Variants in HSPG2 observed in about 807,000 individuals in gnomAD.
HSPG2 encodes heparan sulfate proteoglycan 2.
HSPG2 carries 278 observed loss-of-function variants against 526.6 expected under a neutral mutation model. The observed-to-expected ratio is 0.53, with a 90% CI of 0.48 to 0.58. HSPG2 has a LOEUF of 0.58. Among genes scored for constraint, HSPG2 ranks in the 20% least tolerant of loss-of-function variants. HSPG2 has a pLI of 0.00. For missense variants in HSPG2, 5,354 were observed against 6,099.5 expected (o/e 0.88, Z 4.07); for synonymous variants, 2,465 against 2,555.4 (o/e 0.96, Z 1.07).
At chr1:21,918,276 C>T (rs1336603119) in intron 1 of HSPG2, among the ~76,000 whole-genome samples, 1 of 152,054 alleles carries the variant, frequency 6.6e-6, no homozygotes, top group African/African-American at 2.4e-5. Context: ...ACCAGCCTGG[C>T]CAACATAGTA....
rs1640763945 is a variant in HSPG2 at position 21,872,882 on chromosome 1, C to T, written c.3888+115G>A. 5 of 1,534,694 alleles carry T rather than the reference C, an allele frequency of 3.3e-6. No homozygotes were observed. The highest frequency in any genetic ancestry group is 4.5e-6 in the Non-Finnish European group (5 of 1,110,470). On this transcript the variant is annotated intron_variant, in intron 31 of 96. Coordinates refer to ENST00000374695, the MANE Select transcript of HSPG2 (RefSeq NM_005529.7). The surrounding 1 kb of genome is among the most constrained non-coding windows in gnomAD (Gnocchi z 5.5). ...CCCGGGCAGCCCCTGCCCTGTCCCCCATGCCCTGCCCCCCATGCCCAGGTC... is the reference window on the plus strand; with the variant it reads ...CCCGGGCAGCCCCTGCCCTGTCCCCTATGCCCTGCCCCCCATGCCCAGGTC...
intron 3 of HSPG2, among the ~76,000 whole-genome samples, chr1:21,894,372 C>T (rs1289966963): frequency 6.6e-6 from 1 of 152,036 alleles, no homozygotes; most frequent in African/African-American, 2.4e-5. Flanking sequence ...TTGGTCAAGT[C>T]TGAGTGGGCA....
At chr1:21,849,130 G>C in intron 57 of HSPG2, 99 bp from the exon 58 acceptor site, 11 of 1,397,184 alleles carry the variant, frequency 7.9e-6, no homozygotes, top group Non-Finnish European at 1.1e-5. Flanking sequence ...AGCCCAGCCA[G>C]CTGGAACTCG....
intron 85 of HSPG2, 177 bp downstream of exon 85, chr1:21,830,805 T>C (rs1270741221): frequency 1.6e-5 from 9 of 577,614 alleles, no homozygotes; most frequent in Non-Finnish European, 2.8e-5. Context: ...AGTGATGGGG[T>C]GAGGGCCTTC....
intron 1 of HSPG2, among the ~76,000 whole-genome samples, chr1:21,911,469 G>A (rs1469733690): frequency 2.7e-5 from 4 of 149,808 alleles, no homozygotes; most frequent in African/African-American, 7.3e-5. Flanking sequence ...GGGAGTGGGG[G>A]TGTGGAGGGG....
At position 21,865,386 on chromosome 1, in the gene HSPG2, T is replaced by C. The variant is rs182257711; in HGVS notation, c.4315-21A>G. 348 of 1,613,308 alleles carry C rather than the reference T, an allele frequency of 2.2e-4. No individual in the cohort carries two copies. Among genetic ancestry groups the C allele is most frequent in the African/African-American group, 8.5e-4 (64 of 74,962 alleles). ...TTGCCCTGGAAAGACACCAGCAGGA[T>C]TGGAAGGGGAGCCGAGGGGTCCCTG... On this transcript the variant is annotated intron_variant, in intron 34 of 96. Transcript: ENST00000374695. The surrounding 1 kb of genome is among the most constrained non-coding windows in gnomAD (Gnocchi z 5.4).
rs1439932379 is a variant in HSPG2 at position 21,822,491 on chromosome 1, CGTCCGTCCGTT to C, written c.*814_*824del. The C allele has an allele frequency of 8.1e-6, 3 of 372,010 alleles. No homozygotes were observed. Among genetic ancestry groups the C allele is most frequent in the African/African-American group, 6.3e-5 (3 of 47,608 alleles). 23.0% of individuals were successfully genotyped at this position (372,010 alleles called of 1,614,324 possible). On this transcript the variant is annotated 3_prime_UTR_variant, in exon 97 of 97. Transcript: ENST00000374695. Reference sequence around the variant, plus strand: ...GCTCTTCCTGAGCACCAGCGGCATCCGTCCGTCCGTTGTCTGTTGGAGGAGTCCCTGGGCCT... The same window carrying C: ...GCTCTTCCTGAGCACCAGCGGCATCCGTCTGTTGGAGGAGTCCCTGGGCCT...
At chr1:21,874,061 TC>T in intron 28 of HSPG2, 50 bp from the exon 29 acceptor site, 2 of 1,462,378 alleles carry the variant, frequency 1.4e-6, no homozygotes, top group Non-Finnish European at 1.9e-6. Context: ...CTCCTTCCTC[TC>T]CCCCGATCCT....
At chr1:21,878,080 AC>A (rs1375307841) in intron 21 of HSPG2, 105 bp downstream of exon 21, 5 of 1,048,310 alleles carry the variant, frequency 4.8e-6, no homozygotes, top group Non-Finnish European at 7.1e-6. Flanking sequence ...CTGGGTTACC[AC>A]CCACTGGCCA....
intron 1 of HSPG2, among the ~76,000 whole-genome samples, chr1:21,913,926 T>C (rs1643797906): frequency 6.6e-6 from 1 of 152,184 alleles, no homozygotes; most frequent in Non-Finnish European, 1.5e-5. Flanking sequence ...GGCACTGCAG[T>C]GCCTTCCGCC....
chr1:21,857,254 T>C, intron 43 of HSPG2, 31 bp downstream of exon 43: 1 of 1,613,758 alleles, frequency 6.2e-7, no homozygotes, highest in Non-Finnish European at 8.5e-7. Context: ...GAAGACAGAC[T>C]TCCTCCATCC....
At chr1:21,874,831 G>A (rs1471945945) in intron 26 of HSPG2, 60 bp downstream of exon 26, 1 of 1,518,970 alleles carries the variant, frequency 6.6e-7, no homozygotes. Context: ...GGCTCATGGA[G>A]AAGGAGCGGG....
chr1:21,828,690 G>T lies in HSPG2; in HGVS notation c.12237+145C>A. On this transcript the variant is annotated intron_variant, in intron 88 of 96. Coordinates refer to ENST00000374695, the MANE Select transcript of HSPG2 (RefSeq NM_005529.7). The surrounding 1 kb of genome is among the most constrained non-coding windows in gnomAD (Gnocchi z 6.0). Reference sequence around the variant, plus strand: ...TGCCCATTTTACAGAGGAGGAAACTGAGGCTCAGAGGTACAGTGTCCTGGC... The same window carrying T: ...TGCCCATTTTACAGAGGAGGAAACTTAGGCTCAGAGGTACAGTGTCCTGGC... 1 of 1,217,546 alleles carries T rather than the reference G, an allele frequency of 8.2e-7. No homozygotes were observed. The highest frequency in any genetic ancestry group is 1.2e-6 in the Non-Finnish European group (1 of 859,078). 75.4% of individuals were successfully genotyped at this position (1,217,546 alleles called of 1,614,324 possible). A position where few individuals can be genotyped will look rare whatever the true frequency, so the allele number is the denominator to read the frequency against.
intron 1 of HSPG2, among the ~76,000 whole-genome samples, chr1:21,933,789 A>C: frequency 6.6e-6 from 1 of 151,892 alleles, no homozygotes; most frequent in African/African-American, 2.4e-5. Context: ...CACACTCAAA[A>C]CCCCATCCTG....
chr1:21,854,447 G>T lies in HSPG2; in HGVS notation c.6289-104C>A, dbSNP rs574808698. The T allele has an allele frequency of 4.7e-6, 7 of 1,486,288 alleles. No individual in the cohort carries two copies. The Admixed American group carries it at 1.0e-4, about 21-fold the overall frequency. 92.1% of individuals were successfully genotyped at this position (1,486,288 alleles called of 1,614,324 possible). On this transcript the variant is annotated intron_variant, in intron 49 of 96. Coordinates refer to ENST00000374695, the MANE Select transcript of HSPG2 (RefSeq NM_005529.7). Reference sequence around the variant, plus strand: ...TTCAAACTCTCACTGGCTCTGCTCCGAGCCATCCCATGCTAGAAACTGGGA... The same window carrying T: ...TTCAAACTCTCACTGGCTCTGCTCCTAGCCATCCCATGCTAGAAACTGGGA...
rs1642310221 is a variant in HSPG2, at chr1:21,890,872, A to G, written c.245-178T>C. On this transcript the variant is annotated intron_variant, in intron 3 of 96. Coordinates refer to ENST00000374695, the MANE Select transcript of HSPG2 (RefSeq NM_005529.7). This position sits in a 1 kb window ranked among gnomAD's most constrained non-coding sequence, Gnocchi z 4.1. ...CTGTAGGTATACATGCTCAGGGGTCAATGCCAAGGCCCCAACTTGACTGAG... is the reference window on the plus strand; with the variant it reads ...CTGTAGGTATACATGCTCAGGGGTCGATGCCAAGGCCCCAACTTGACTGAG... Among the ~76,000 whole-genome samples the G allele has an allele frequency of 6.6e-6, 1 of 152,222 alleles. No homozygotes were observed. Among genetic ancestry groups the G allele is most frequent in the African/African-American group, 2.4e-5 (1 of 41,450 alleles).
chr1:21,893,068 T>G lies in HSPG2; in HGVS notation c.245-2374A>C, dbSNP rs1470154564. The stretch of plus-strand genomic sequence containing the variant: ...AGCTGCCCTGCACTCAGGGTAGAAG[T>G]GGGGGCTGCACACCTGACTAGCCCT... On this transcript the variant is annotated intron_variant, in intron 3 of 96. Transcript: ENST00000374695. This position sits in a 1 kb window ranked among gnomAD's most constrained non-coding sequence, Gnocchi z 4.3. 6.6e-6 allele frequency among the ~76,000 whole-genome samples: 1 copy of G among 151,864 alleles called. No individual in the cohort carries two copies. Among genetic ancestry groups the G allele is most frequent in the Non-Finnish European group, 1.5e-5 (1 of 67,924 alleles).
intron 1 of HSPG2, among the ~76,000 whole-genome samples, chr1:21,913,277 C>A (rs930624436): frequency 5.3e-5 from 8 of 152,112 alleles, no homozygotes; most frequent in African/African-American, 1.7e-4. Flanking sequence ...TCAGTCTCAA[C>A]CTCTGGCACC....
Position 21,874,704 on chromosome 1 carries a change from G to C in HSPG2, c.3440C>G (p.Thr1147Arg), listed in dbSNP as rs767958264. The change falls in exon 27 of 97, where the codon ACG becomes AGG. Residue 1147 changes from threonine to arginine, a missense_variant. Thr to Arg is a moderately conservative substitution (Grantham distance 71). Transcript: ENST00000374695. ...GGTACCCAGGTAGAGGCCACTGGGC[G>C]TGCGTGTGTAGCCTGTGTCACAGTC... ...CQDCDTGYTRTPSGLYLGTCE... is the reference protein window; with the variant it reads ...CQDCDTGYTRRPSGLYLGTCE... 1.9e-6 allele frequency: 3 copies of C among 1,608,152 alleles called. No homozygotes were observed. Among genetic ancestry groups the C allele is most frequent in the Non-Finnish European group, 2.5e-6 (3 of 1,177,254 alleles).
Sources: gnomAD v4.1 joint callset for allele counts (sites outside exome capture counted in the v4.1 genomes callset) on GRCh38, gnomAD v4.1.1 for gene constraint, Gnocchi (gnomAD v3.1) non-coding constraint, MANE v1.5 for transcripts, NCBI Gene and HGNC (gene_info 2026-07-23, HGNC 2026-07-21) for gene names.